The following CNGA1 variants were observed in gnomAD, a reference collection of about 807,000 sequenced individuals.
The protein encoded by CNGA1 is cyclic nucleotide-gated channel alpha-1.
A neutral mutation model predicts 69.7 loss-of-function variants in CNGA1; 53 were observed. That is an observed-to-expected ratio of 0.76 (90% confidence interval 0.61 to 0.96). The LOEUF is 0.96. Ranked by LOEUF, CNGA1 falls within the 40% of genes least tolerant of loss-of-function variation. CNGA1 has a pLI of 0.00. For synonymous variants in CNGA1, 249 were observed against 283.5 expected (o/e 0.88, Z 1.22); for missense variants, 739 against 811.2 (o/e 0.91, Z 1.08).
chr4:47,943,258 G>GTGTTTTT lies in CNGA1; in HGVS notation c.359_360insAAAAACA (p.Asn120LysfsTer26). ...TTTTCTTCTTTTTCTTCTCTGGGTC[G>GTGTTTTT]TTTTTATTTTCGTTTTTATCATCTG... On this transcript the variant is annotated frameshift_variant, in exon 8 of 11. Coordinates refer to ENST00000514170, the MANE Select transcript of CNGA1 (RefSeq NM_001379270.1). LOFTEE classifies it high-confidence loss of function. 3 of 1,565,344 alleles carry GTGTTTTT rather than the reference G, an allele frequency of 1.9e-6. No individual in the cohort carries two copies. Among genetic ancestry groups the GTGTTTTT allele is most frequent in the East Asian group, 2.3e-5 (1 of 43,030 alleles).
At chr4:47,962,579 A>G (rs961655070) in intron 3 of CNGA1, among the ~76,000 whole-genome samples, 1 of 152,158 alleles carries the variant, frequency 6.6e-6, no homozygotes, top group Admixed American at 6.6e-5. Flanking sequence ...GTTCTTACAG[A>G]TAAGGAATCT....
At chr4:47,985,569 C>T (rs1173290513) in intron 2 of CNGA1, among the ~76,000 whole-genome samples, 1 of 152,142 alleles carries the variant, frequency 6.6e-6, no homozygotes, top group Non-Finnish European at 1.5e-5. Context: ...CTTCAGCCAA[C>T]TTAAATCTTG....
At chr4:47,986,076 G>T (rs1228342704) in intron 2 of CNGA1, among the ~76,000 whole-genome samples, 1 of 152,174 alleles carries the variant, frequency 6.6e-6, no homozygotes, top group Admixed American at 6.6e-5. Flanking sequence ...TACCCATTAT[G>T]CTGCAATGGG....
chr4:47,944,665 G>A (rs1255629480), intron 6 of CNGA1, among the ~76,000 whole-genome samples: 2 of 152,194 alleles, frequency 1.3e-5, no homozygotes, highest in Non-Finnish European at 2.9e-5. Context: ...AGGGCTCAAA[G>A]GATGCAAAAG....
chr4:47,993,512 T>C (rs1298605513), intron 2 of CNGA1, among the ~76,000 whole-genome samples: 2 of 152,166 alleles, frequency 1.3e-5, no homozygotes, highest in African/African-American at 2.4e-5. Flanking sequence ...CTTTTGTATT[T>C]CTGTGATGTC....
intron 2 of CNGA1, among the ~76,000 whole-genome samples, chr4:47,984,661 TATAC>T (rs143367713): frequency 0.14 from 13,854 of 96,474 alleles, 923 homozygotes; most frequent in East Asian, 0.28. Context: ...TATATATATA[TATAC>T]ACACACACAC....
chr4:48,008,096 TGG>T (rs1225176842), intron 2 of CNGA1, among the ~76,000 whole-genome samples: 3 of 152,206 alleles, frequency 2.0e-5, no homozygotes, highest in Non-Finnish European at 4.4e-5. Flanking sequence ...TAAATGTTTT[TGG>T]GTTTTTTTAC....
rs982124589 is a variant in CNGA1, at chr4:47,994,730, C to T, written c.-122-13230G>A. 2.6e-5 allele frequency among the ~76,000 whole-genome samples: 4 copies of T among 151,942 alleles called. No homozygotes were observed. In the East Asian group the frequency reaches 5.8e-4, roughly 22 times the overall value. On this transcript the variant is annotated intron_variant, in intron 2 of 10. Transcript: ENST00000514170. ...CATTGTACTACTTGTTGCCCATATA[C>T]TTTGGTTTTTTGTTTTTTAAATTGT...
Position 47,937,086 on chromosome 4 carries a change from G to A in CNGA1, c.1396C>T (p.His466Tyr), listed in dbSNP as rs1257602287. ...CGTACCTTTTTTAATGTGTCTAAGT[G>A]AACGTTGATGGCAATTTCTGCTCTT... ...KLRAEIAINV[H>Y]LDTLKKVRIF... The change falls in exon 11 of 11, where the codon CAC becomes TAC. Residue 466 changes from histidine (H) to tyrosine (Y), a missense_variant. His to Tyr is a moderately conservative substitution (Grantham distance 83). Coordinates refer to ENST00000514170, the MANE Select transcript of CNGA1 (RefSeq NM_001379270.1). 6.2e-7 allele frequency: 1 copy of A among 1,614,204 alleles called. No individual in the cohort carries two copies. The highest frequency in any genetic ancestry group is 1.1e-5 in the South Asian group (1 of 91,088).
intron 10 of CNGA1, among the ~76,000 whole-genome samples, chr4:47,939,980 G>A (rs1271221482): frequency 3.3e-5 from 5 of 152,136 alleles, no homozygotes; most frequent in African/African-American, 1.2e-4. Flanking sequence ...TGTCCTTTGA[G>A]GCTGCATTTT....
intron 2 of CNGA1, among the ~76,000 whole-genome samples, chr4:47,985,190 G>A (rs994547200): frequency 1.3e-5 from 2 of 152,136 alleles, no homozygotes; most frequent in African/African-American, 4.8e-5. Context: ...CTAAAGCATT[G>A]TAAATACTTG....
intron 2 of CNGA1, among the ~76,000 whole-genome samples, chr4:47,992,657 A>ATTATTTATTTATTTAT (rs144346141): frequency 4.8e-5 from 7 of 145,256 alleles, no homozygotes; most frequent in Admixed American, 1.4e-4. Context: ...GATGCCATTT[A>ATTATTTATTTATTTAT]TTATTTATTT....
At chr4:48,008,841 T>A (rs920328192) in intron 2 of CNGA1, among the ~76,000 whole-genome samples, 1 of 152,224 alleles carries the variant, frequency 6.6e-6, no homozygotes, top group African/African-American at 2.4e-5. Flanking sequence ...ACAGTAATAG[T>A]CCTTTCCCCC....
chr4:47,940,608 T>C (rs1222939833), intron 10 of CNGA1, among the ~76,000 whole-genome samples, 155 bp downstream of exon 10: 2 of 152,244 alleles, frequency 1.3e-5, no homozygotes, highest in African/African-American at 4.8e-5. Flanking sequence ...CCTATGAGTT[T>C]ATACATCGTG....
intron 3 of CNGA1, among the ~76,000 whole-genome samples, chr4:47,980,270 T>G (rs1741628087): frequency 6.6e-6 from 1 of 152,146 alleles, no homozygotes; most frequent in African/African-American, 2.4e-5. Flanking sequence ...AGTCAAAATG[T>G]AAAAAGCCCG....
At chr4:47,990,180 G>A (rs764887951) in intron 2 of CNGA1, among the ~76,000 whole-genome samples, 3 of 152,136 alleles carry the variant, frequency 2.0e-5, no homozygotes, top group East Asian at 1.9e-4. Context: ...TTCAGGGAAC[G>A]AGGGAGGATA....
chr4:47,943,989 T>C (rs1194020455), intron 6 of CNGA1, among the ~76,000 whole-genome samples: 1 of 152,222 alleles, frequency 6.6e-6, no homozygotes, highest in Non-Finnish European at 1.5e-5. Flanking sequence ...CTAGTGCCTC[T>C]TTCTATGATT....
At chr4:47,970,638 G>A (rs540556368) in intron 3 of CNGA1, among the ~76,000 whole-genome samples, 15 of 135,666 alleles carry the variant, frequency 1.1e-4, no homozygotes, top group South Asian at 2.5e-4. Flanking sequence ...GGCAACAAGA[G>A]CAAAACTCCA....
At chr4:47,946,749 G>C (rs1465885) in intron 6 of CNGA1, among the ~76,000 whole-genome samples, 56,920 of 151,326 alleles carry the variant, frequency 0.38, 11,247 homozygotes, top group Non-Finnish European at 0.44. Flanking sequence ...GCCCAGGCAG[G>C]TGGCTCAGTA....
Sources: gnomAD v4.1 joint callset for allele counts (sites outside exome capture counted in the v4.1 genomes callset) on GRCh38, gnomAD v4.1.1 for gene constraint, MANE v1.5 for transcripts, NCBI Gene and HGNC (gene_info 2026-07-23, HGNC 2026-07-21) for gene names.